Variants in INTS4 observed in about 807,000 individuals in gnomAD.
INTS4 encodes the protein integrator complex subunit 4.
In INTS4, 70 loss-of-function variants were observed where a neutral mutation model predicts 119.5. The ratio of observed to expected loss-of-function variants is 0.59; its 90% confidence interval spans 0.48 to 0.71. The LOEUF is 0.71. Among genes scored for constraint, INTS4 ranks in the 30% least tolerant of loss-of-function variants. INTS4 has a pLI of 0.00. For missense variants in INTS4, 867 were observed against 1,173.2 expected (o/e 0.74, Z 3.81); for synonymous variants, 316 against 419.6 (o/e 0.75, Z 3.02).
intron 9 of INTS4, 114 bp downstream of exon 9, chr11:77,941,066 C>T (rs1348910685): frequency 1.4e-6 from 2 of 1,381,866 alleles, no homozygotes; most frequent in Admixed American, 2.8e-5. Flanking sequence ...AAATGTAATA[C>T]AGTTATCATG....
In INTS4 at chr11:77,934,394, T is replaced by TAAA. The variant is rs57661146; in HGVS notation, c.1165+4254_1165+4256dup. ...ACACCCAAGAATGATCAATAAATACTAAAAAAAAAAAAAAAAAGAATGATG... is the reference window on the plus strand; with the variant it reads ...ACACCCAAGAATGATCAATAAATACTAAAAAAAAAAAAAAAAAAAAGAATGATG... On this transcript the variant is annotated intron_variant, in intron 10 of 22. Coordinates refer to ENST00000534064, the MANE Select transcript of INTS4 (RefSeq NM_033547.4). Among the ~76,000 whole-genome samples, 264 of 125,350 alleles carry TAAA rather than the reference T, an allele frequency of 2.1e-3. 4 individuals carry two copies. The highest frequency in any genetic ancestry group is 0.017 in the East Asian group (71 of 4,254). The allele number at this position is 125,350 out of a possible 152,430, so 82.2% of individuals were successfully genotyped here. A position where few individuals can be genotyped will look rare whatever the true frequency, so the allele number is the denominator to read the frequency against.
At chr11:77,933,822 G>A (rs150055209) in intron 10 of INTS4, among the ~76,000 whole-genome samples, 5,087 of 151,624 alleles carry the variant, frequency 0.034, 96 homozygotes, top group Non-Finnish European at 0.042. Flanking sequence ...GGTGGGGGGC[G>A]CCTCTGCCCG....
chr11:77,906,100 TGGGATTTTAGACCTTA>T lies in INTS4; in HGVS notation c.2016+1601_2016+1616del, dbSNP rs565248048. Among the ~76,000 whole-genome samples the T allele has an allele frequency of 1.4e-3, 212 of 152,342 alleles. 4 individuals carry two copies. In the South Asian group the frequency reaches 0.032, roughly 23 times the overall value. On this transcript the variant is annotated intron_variant, in intron 16 of 22. Transcript: ENST00000534064. ...TTGATATTTTCTGGGCTGTGGTTTT[TGGGATTTTAGACCTTA>T]GGGATTTTAGTCTTTTGGAATTTAA...
chr11:77,933,106 A>T (rs1225081443), intron 10 of INTS4, among the ~76,000 whole-genome samples: 5 of 152,040 alleles, frequency 3.3e-5, no homozygotes, highest in African/African-American at 9.7e-5. Flanking sequence ...TCAAAAGTAT[A>T]AAAAAAAGTA....
chr11:77,894,621 G>A (rs1044474884), intron 18 of INTS4, among the ~76,000 whole-genome samples: 4 of 152,112 alleles, frequency 2.6e-5, no homozygotes, highest in African/African-American at 4.8e-5. Flanking sequence ...GACTCACTAC[G>A]AATACAGGAG....
intron 4 of INTS4, among the ~76,000 whole-genome samples, chr11:77,975,661 T>C (rs1271745833): frequency 1.3e-5 from 2 of 151,994 alleles, no homozygotes; most frequent in Non-Finnish European, 2.9e-5. Flanking sequence ...TTTTACCCTA[T>C]TAAGAACCTC....
chr11:77,892,929 G>C (rs920047742), intron 19 of INTS4, among the ~76,000 whole-genome samples: 4 of 152,198 alleles, frequency 2.6e-5, no homozygotes, highest in Non-Finnish European at 5.9e-5. Context: ...AAGTTTGCTA[G>C]AGAGTATTAC....
intron 10 of INTS4, among the ~76,000 whole-genome samples, chr11:77,933,253 G>C (rs370987132): frequency 2.7e-5 from 4 of 147,706 alleles, no homozygotes; most frequent in Non-Finnish European, 4.5e-5. Flanking sequence ...CTCTCTCCAC[G>C]GTCTCCCTCT....
chr11:77,990,281 C>T lies in INTS4; in HGVS notation c.246+827G>A, dbSNP rs114838430. 8.7e-3 allele frequency among the ~76,000 whole-genome samples: 1,316 copies of T among 151,424 alleles called. 20 individuals carry two copies. Among genetic ancestry groups the T allele is most frequent in the African/African-American group, 0.029 (1,196 of 41,238 alleles). On this transcript the variant is annotated intron_variant, in intron 2 of 22. Transcript: ENST00000534064. The stretch of plus-strand genomic sequence containing the variant: ...AGTGGCACGTCTGCAGTCCCACCTA[C>T]GTGGAAGGCTGAGCCAGGAGAATCA...
At chr11:77,929,128 T>C (rs1953584429) in intron 10 of INTS4, among the ~76,000 whole-genome samples, 1 of 152,066 alleles carries the variant, frequency 6.6e-6, no homozygotes, top group Non-Finnish European at 1.5e-5. Context: ...GGGAGGATCA[T>C]TTGAGCTCAG....
chr11:77,954,557 C>T (rs981046138), intron 8 of INTS4, among the ~76,000 whole-genome samples: 1 of 152,164 alleles, frequency 6.6e-6, no homozygotes, highest in Admixed American at 6.5e-5. Context: ...ACCTTTTTGG[C>T]ATCCGGGTTC....
intron 11 of INTS4, 103 bp from the exon 12 acceptor site, chr11:77,924,995 C>G (rs1327925108): frequency 1.3e-6 from 1 of 787,484 alleles, no homozygotes; most frequent in African/African-American, 1.8e-5. Context: ...TCTAGGGTGG[C>G]CATGTAACAA....
intron 22 of INTS4, among the ~76,000 whole-genome samples, chr11:77,879,606 G>T (rs1951714768): frequency 6.6e-6 from 1 of 152,120 alleles, no homozygotes; most frequent in Non-Finnish European, 1.5e-5. Context: ...AAAAGTTTCT[G>T]GCCAATGAAC....
chr11:77,896,179 G>A (rs1451824702), intron 18 of INTS4, among the ~76,000 whole-genome samples: 1 of 151,776 alleles, frequency 6.6e-6, no homozygotes, highest in African/African-American at 2.4e-5. Context: ...CAAAGCAAGA[G>A]AAACTGCTAC....
In INTS4 at chr11:77,981,580, G is replaced by GA. The variant is rs780949834; in HGVS notation, c.247-5dup. 6.8e-4 allele frequency: 1,023 copies of GA among 1,495,936 alleles called. 2 individuals carry two copies. Among genetic ancestry groups the GA allele is most frequent in the Non-Finnish European group, 6.1e-4 (670 of 1,097,404 alleles). The allele number at this position is 1,495,936 out of a possible 1,614,324, so 92.7% of individuals were successfully genotyped here. A position where few individuals can be genotyped will look rare whatever the true frequency, so the allele number is the denominator to read the frequency against. On this transcript the variant is annotated splice_region_variant and splice_polypyrimidine_tract_variant and intron_variant, in intron 2 of 22. Transcript: ENST00000534064. The stretch of plus-strand genomic sequence containing the variant: ...GTCTCACAGATGGATCATTCTCCTG[G>GA]AAAAAAAGAAGCAATTGTCACTTTG...
intron 21 of INTS4, among the ~76,000 whole-genome samples, chr11:77,889,075 G>A (rs1367506156): frequency 2.6e-5 from 4 of 152,136 alleles, no homozygotes; most frequent in African/African-American, 9.7e-5. Flanking sequence ...GCATTACTGG[G>A]TATATACCCA....
chr11:77,883,206 C>T (rs1315872980), intron 22 of INTS4, among the ~76,000 whole-genome samples: 1 of 152,146 alleles, frequency 6.6e-6, no homozygotes, highest in Non-Finnish European at 1.5e-5. Flanking sequence ...CCTCCAGTAA[C>T]AGTGCTCCTG....
chr11:77,933,380 G>C (rs1482417848), intron 10 of INTS4, among the ~76,000 whole-genome samples: 1 of 100,432 alleles, frequency 1.0e-5, no homozygotes, highest in East Asian at 3.0e-4. Flanking sequence ...GCGCCGCCAC[G>C]TCTGACTGGT....
chr11:77,953,563 A>C (rs1469579810), intron 8 of INTS4, among the ~76,000 whole-genome samples: 1 of 149,438 alleles, frequency 6.7e-6, no homozygotes, highest in Non-Finnish European at 1.5e-5. Flanking sequence ...TTACAAAACA[A>C]TTTTATCCCT....
Sources: gnomAD v4.1 joint callset for allele counts (sites outside exome capture counted in the v4.1 genomes callset) on GRCh38, gnomAD v4.1.1 for gene constraint, MANE v1.5 for transcripts, NCBI Gene and HGNC (gene_info 2026-07-23, HGNC 2026-07-21) for gene names.